PTP4A2: variants seen among roughly 807,000 people sequenced by gnomAD.
PTP4A2 encodes the protein protein tyrosine phosphatase 4A2, also known as protein tyrosine phosphatase type IVA 2.
In PTP4A2, 2 loss-of-function variants were observed where a neutral mutation model predicts 22.9. The ratio of observed to expected loss-of-function variants is 0.09; its 90% CI spans 0.04 to 0.27. The LOEUF is 0.27. Among genes scored for constraint, PTP4A2 ranks in the 10% least tolerant of loss-of-function variants. The pLI, the probability that PTP4A2 is intolerant of heterozygous loss-of-function variation, is 1.00. For synonymous variants in PTP4A2, 68 were observed against 69.1 expected (o/e 0.98, Z 0.08); for missense variants, 103 against 205.1 (o/e 0.50, Z 3.04).
At chr1:31,917,367 G>A (rs1651902153) in intron 2 of PTP4A2, among the ~76,000 whole-genome samples, 1 of 152,106 alleles carries the variant, frequency 6.6e-6, no homozygotes, top group Middle Eastern at 3.2e-3. Context: ...AATTGCTAAA[G>A]GACTTCATTT....
chr1:31,932,072 C>A (rs1652748967), intron 1 of PTP4A2, among the ~76,000 whole-genome samples: 1 of 152,112 alleles, frequency 6.6e-6, no homozygotes, highest in South Asian at 2.1e-4. Flanking sequence ...AACTAAAGGA[C>A]AACTGGAAGA....
At chr1:31,927,695 T>C (rs1652531710) in intron 1 of PTP4A2, among the ~76,000 whole-genome samples, 1 of 152,180 alleles carries the variant, frequency 6.6e-6, no homozygotes, top group African/African-American at 2.4e-5. Context: ...AGTTTCAAGA[T>C]ACACTTTGAC....
At chr1:31,917,293 C>T (rs1194035007) in intron 2 of PTP4A2, among the ~76,000 whole-genome samples, 1 of 152,168 alleles carries the variant, frequency 6.6e-6, no homozygotes, top group Admixed American at 6.5e-5. Context: ...TATAAATAAG[C>T]AGGCACAGTG....
At position 31,919,006 on chromosome 1, in the gene PTP4A2, G is replaced by A. The variant is rs1450537424; in HGVS notation, c.60C>T (p.His20=). Residue 20 remains histidine (H), a synonymous_variant, in exon 2 of 6, where the codon CAC becomes CAT. Coordinates refer to ENST00000647444, the MANE Select transcript of PTP4A2 (RefSeq NM_080391.4). ...TGTTGAGAGTAGCATTGGTAGGGTTGTGAGTTATCAGAAAACGCATGTTCT... is the reference window on the plus strand; with the variant it reads ...TGTTGAGAGTAGCATTGGTAGGGTTATGAGTTATCAGAAAACGCATGTTCT... The part of the protein sequence containing the change: ...SYENMRFLIT[H]NPTNATLNKF... 6.2e-7 allele frequency: 1 copy of A among 1,607,524 alleles called. No homozygotes were observed. Among genetic ancestry groups the A allele is most frequent in the South Asian group, 1.1e-5 (1 of 90,950 alleles).
rs140439108 is a variant in PTP4A2, at chr1:31,925,388, C to A, written c.-593-5730G>T. On this transcript the variant is annotated intron_variant, in intron 1 of 5. Coordinates refer to ENST00000647444, the MANE Select transcript of PTP4A2 (RefSeq NM_080391.4). ...CCTACACAATTCCATAAAGTGTTTT[C>A]TTTCCTGTTAAAGAGGCTAAATGAG... Among the ~76,000 whole-genome samples, 12 of 152,308 alleles carry A rather than the reference C, an allele frequency of 7.9e-5. No homozygotes were observed. The East Asian group carries it at 1.9e-3, about 24-fold the overall frequency.
intron 3 of PTP4A2, among the ~76,000 whole-genome samples, chr1:31,913,267 C>T (rs2124155934): frequency 6.6e-6 from 1 of 152,328 alleles, no homozygotes; most frequent in South Asian, 2.1e-4. Context: ...ATTAGATTAA[C>T]TCTTAAAATC....
intron 5 of PTP4A2, 76 bp from the exon 6 acceptor site, chr1:31,909,036 C>A: frequency 9.6e-7 from 1 of 1,041,546 alleles, no homozygotes; most frequent in South Asian, 1.3e-5. Context: ...TTATTTACAT[C>A]CTAAAGCCTT....
intron 1 of PTP4A2, among the ~76,000 whole-genome samples, chr1:31,923,131 G>C (rs989509461): frequency 1.3e-5 from 2 of 151,670 alleles, no homozygotes; most frequent in African/African-American, 2.4e-5. Flanking sequence ...GGCTGGTCTT[G>C]AAGGCCTGAC....
At chr1:31,927,637 T>C (rs1418393602) in intron 1 of PTP4A2, among the ~76,000 whole-genome samples, 1 of 152,162 alleles carries the variant, frequency 6.6e-6, no homozygotes, top group East Asian at 1.9e-4. Flanking sequence ...GTAGATATAA[T>C]GGTAGCTTAG....
rs535485515 is a variant in PTP4A2, at chr1:31,909,451, G to A, written c.396-491C>T. 7.9e-5 allele frequency among the ~76,000 whole-genome samples: 12 copies of A among 152,180 alleles called. No homozygotes were observed. The South Asian group carries it at 1.2e-3, about 16-fold the overall frequency. On this transcript the variant is annotated intron_variant, in intron 5 of 5. Transcript: ENST00000647444. ...AGCACTTTGGGAGGCCGAGGTGGGC[G>A]GATCACGAGATCAGGAGATTGAGAT...
chr1:31,931,028 G>A (rs1208090584), intron 1 of PTP4A2: 1 of 152,140 alleles, frequency 6.6e-6, no homozygotes, highest in Admixed American at 6.5e-5. Context: ...TGTTTACTGA[G>A]ATAAGGGACA....
chr1:31,934,361 C>G (rs77680526), intron 1 of PTP4A2, among the ~76,000 whole-genome samples: 7,985 of 152,234 alleles, frequency 0.052, 711 homozygotes, highest in African/African-American at 0.18. Flanking sequence ...TGGAATAGCA[C>G]CCAAATAAAT....
chr1:31,909,416 C>G (rs1207360889), intron 5 of PTP4A2, among the ~76,000 whole-genome samples: 2 of 152,138 alleles, frequency 1.3e-5, no homozygotes, highest in Non-Finnish European at 2.9e-5. Flanking sequence ...TGGCTCACGC[C>G]TGTAATCCCA....
At chr1:31,926,173 T>C (rs1035406169) in intron 1 of PTP4A2, among the ~76,000 whole-genome samples, 1 of 148,196 alleles carries the variant, frequency 6.7e-6, no homozygotes, top group African/African-American at 2.5e-5. Flanking sequence ...TATATATTTA[T>C]CTCTCCTATC....
In PTP4A2 at chr1:31,911,698, T is replaced by C. The variant is rs1276560663; in HGVS notation, c.318A>G (p.Gly106=). Residue 106 remains glycine (G), a splice_region_variant and synonymous_variant, in exon 4 of 6, where the codon GGA becomes GGG. Coordinates refer to ENST00000647444, the MANE Select transcript of PTP4A2 (RefSeq NM_080391.4). ...CVAVHCVAGL[G]RAPVLVALAL... Reference sequence around the variant, plus strand: ...GGGTAATAAAGGTAAGAGTTTACCTTCCCAATCCTGCAACACAATGCACTG... The same window carrying C: ...GGGTAATAAAGGTAAGAGTTTACCTCCCCAATCCTGCAACACAATGCACTG... 6.3e-7 allele frequency: 1 copy of C among 1,584,850 alleles called. No homozygotes were observed. The highest frequency in any genetic ancestry group is 8.5e-7 in the Non-Finnish European group (1 of 1,169,650).
Position 31,906,736 on chromosome 1 carries a change from GCACACACACA to G in PTP4A2, c.*2106_*2115del, listed in dbSNP as rs138545171. ...ACTGATACTGATGGACACTGCGCGT[GCACACACACA>G]CACACACATACACACACACACACAC... On this transcript the variant is annotated 3_prime_UTR_variant, in exon 6 of 6. Coordinates refer to ENST00000647444, the MANE Select transcript of PTP4A2 (RefSeq NM_080391.4). 1 of 131,570 alleles carries G rather than the reference GCACACACACA, an allele frequency of 7.6e-6. No homozygotes were observed. The highest frequency in any genetic ancestry group is 1.6e-5 in the Non-Finnish European group (1 of 63,494). The allele number at this position is 131,570 out of a possible 1,614,324, so 8.2% of individuals were successfully genotyped here. A position where few individuals can be genotyped will look rare whatever the true frequency, so the allele number is the denominator to read the frequency against.
At chr1:31,911,591 G>T in intron 4 of PTP4A2, 105 bp downstream of exon 4, 1 of 1,056,874 alleles carries the variant, frequency 9.5e-7, no homozygotes, top group Non-Finnish European at 1.3e-6. Context: ...GTAATTTAAT[G>T]TTATTTAGTA....
intron 1 of PTP4A2, among the ~76,000 whole-genome samples, chr1:31,930,697 T>C (rs1315552149): frequency 3.9e-5 from 6 of 152,168 alleles, no homozygotes; most frequent in Admixed American, 3.9e-4. Flanking sequence ...CTGAGTACAA[T>C]ACAAGATAAA....
rs1557858936 is a variant in PTP4A2 at position 31,908,152 on chromosome 1, AT to A, written c.*699del. 1 of 1,842 alleles carries A rather than the reference AT, an allele frequency of 5.4e-4. No homozygotes were observed. The allele number at this position is 1,842 out of a possible 1,614,324, so 0.1% of individuals were successfully genotyped here. On this transcript the variant is annotated 3_prime_UTR_variant, in exon 6 of 6. Coordinates refer to ENST00000647444, the MANE Select transcript of PTP4A2 (RefSeq NM_080391.4). ...TATATATATTATATTATATATATAT[AT>A]ATATATATATATATATATATATATA...
Sources: gnomAD v4.1 joint callset for allele counts (sites outside exome capture counted in the v4.1 genomes callset) on GRCh38, gnomAD v4.1.1 for gene constraint, MANE v1.5 for transcripts, NCBI Gene and HGNC (gene_info 2026-07-23, HGNC 2026-07-21) for gene names.